Variants in EPHB1 observed in about 807,000 individuals in gnomAD.
The protein encoded by EPHB1 is EPH receptor B1, also known as ephrin type-B receptor 1.
In EPHB1, 30 loss-of-function variants were observed where a neutral mutation model predicts 94.4. The observed-to-expected ratio is 0.32, with a 90% confidence interval of 0.24 to 0.43. The LOEUF (loss-of-function observed/expected upper bound fraction) is 0.43, where lower values mean the gene tolerates loss of function less well. Among genes scored for constraint, EPHB1 ranks in the 20% least tolerant of loss-of-function variants. The pLI, the probability that EPHB1 is intolerant of heterozygous loss-of-function variation, is 1.00. For synonymous variants in EPHB1, 522 were observed against 489.1 expected (o/e 1.07, Z -0.89); for missense variants, 1,055 against 1,308.3 (o/e 0.81, Z 2.99).
At chr3:134,852,002 T>C (rs868589560) in intron 1 of EPHB1, among the ~76,000 whole-genome samples, 66 of 152,230 alleles carry the variant, frequency 4.3e-4, no homozygotes, top group African/African-American at 1.5e-3. Flanking sequence ...TGTCCAAGGG[T>C]GGATTTTCAG....
intron 11 of EPHB1, among the ~76,000 whole-genome samples, chr3:135,200,691 C>G (rs2107712707): frequency 6.6e-6 from 1 of 152,168 alleles, no homozygotes; most frequent in Admixed American, 6.5e-5. Flanking sequence ...CAGAGACAGA[C>G]AGACAGAAAG....
rs574960170 is a variant in EPHB1, at chr3:135,157,331, C to T, written c.1422+3055C>T. 2.8e-3 allele frequency among the ~76,000 whole-genome samples: 419 copies of T among 152,322 alleles called. 5 individuals carry two copies. The highest frequency in any genetic ancestry group is 3.6e-3 in the Non-Finnish European group (248 of 68,042). ...AATGACAGGCCGAGCACTGAAGCCA[C>T]GAGGCTCATGCCTGTATACCTTGGC... On this transcript the variant is annotated intron_variant, in intron 6 of 15. Transcript: ENST00000398015.
chr3:134,959,167 G>A (rs978553674), intron 3 of EPHB1, among the ~76,000 whole-genome samples: 9 of 152,180 alleles, frequency 5.9e-5, no homozygotes, highest in South Asian at 2.1e-4. Context: ...ACATCACCAC[G>A]TCAGGAGTCC....
chr3:135,115,622 C>A (rs773081828), intron 4 of EPHB1, among the ~76,000 whole-genome samples: 1 of 151,840 alleles, frequency 6.6e-6, no homozygotes. Flanking sequence ...CAGGTGTGTC[C>A]GATGCAGTCA....
intron 3 of EPHB1, among the ~76,000 whole-genome samples, chr3:135,000,390 GA>G (rs911081988): frequency 6.6e-6 from 1 of 152,094 alleles, no homozygotes; most frequent in Non-Finnish European, 1.5e-5. Flanking sequence ...CTTTAAGAGG[GA>G]AAAAAATCAT....
chr3:135,126,938 T>A (rs963060381), intron 4 of EPHB1, among the ~76,000 whole-genome samples: 3 of 152,284 alleles, frequency 2.0e-5, no homozygotes, highest in Non-Finnish European at 2.9e-5. Context: ...CTTAATTACA[T>A]GAGCAGGTGA....
chr3:135,015,659 C>T (rs973084750), intron 3 of EPHB1, among the ~76,000 whole-genome samples: 5 of 152,186 alleles, frequency 3.3e-5, no homozygotes, highest in Non-Finnish European at 2.9e-5. Context: ...CAGAGATCTG[C>T]TGACTATGAA....
chr3:134,803,096 G>A (rs777529956), intron 1 of EPHB1, among the ~76,000 whole-genome samples: 1 of 152,196 alleles, frequency 6.6e-6, no homozygotes, highest in Non-Finnish European at 1.5e-5. Flanking sequence ...CTCATGGGAG[G>A]TTCCCCCAGA....
intron 1 of EPHB1, among the ~76,000 whole-genome samples, chr3:134,858,149 CCATCATCAT>C (rs71139558): frequency 0.027 from 4,023 of 148,436 alleles, 45 homozygotes; most frequent in Middle Eastern, 0.078. Context: ...TTTTATTGTT[CCATCATCAT>C]CATCATCATC....
At chr3:134,953,004 A>G (rs1042933836) in intron 3 of EPHB1, among the ~76,000 whole-genome samples, 1 of 152,152 alleles carries the variant, frequency 6.6e-6, no homozygotes, top group Non-Finnish European at 1.5e-5. Context: ...TTCTTTTACA[A>G]GGAAGCCTTC....
intron 3 of EPHB1, among the ~76,000 whole-genome samples, chr3:135,096,828 T>C (rs1938789104): frequency 6.6e-6 from 1 of 152,204 alleles, no homozygotes; most frequent in Admixed American, 6.5e-5. Context: ...CCAGGCACAA[T>C]GGCTCATGCC....
At chr3:135,074,386 T>C (rs1052894421) in intron 3 of EPHB1, among the ~76,000 whole-genome samples, 2 of 152,222 alleles carry the variant, frequency 1.3e-5, no homozygotes, top group African/African-American at 4.8e-5. Flanking sequence ...TTTCAGGTTT[T>C]TTTTTCCTCC....
At chr3:135,196,725 C>T (rs1464066405) in intron 11 of EPHB1, among the ~76,000 whole-genome samples, 1 of 152,110 alleles carries the variant, frequency 6.6e-6, no homozygotes, top group Non-Finnish European at 1.5e-5. Context: ...TCCTCCCCTC[C>T]AACTTCTCCT....
intron 1 of EPHB1, among the ~76,000 whole-genome samples, chr3:134,867,708 T>C (rs2037409366): frequency 2.0e-5 from 3 of 152,164 alleles, no homozygotes; most frequent in Admixed American, 6.5e-5. Flanking sequence ...GTATTCCAAT[T>C]TGACTTATGA....
At chr3:135,031,419 C>A (rs28710927) in intron 3 of EPHB1, among the ~76,000 whole-genome samples, 15,282 of 152,222 alleles carry the variant, frequency 0.1, 854 homozygotes, top group Middle Eastern at 0.15. Context: ...AAATAATCCT[C>A]CTGCCTCAGC....
chr3:134,985,809 T>C (rs1382673110), intron 3 of EPHB1, among the ~76,000 whole-genome samples: 5 of 152,144 alleles, frequency 3.3e-5, no homozygotes, highest in Admixed American at 1.3e-4. Context: ...TCCACCTAGA[T>C]TGATTTGAGA....
chr3:134,797,223 C>T (rs527402863), intron 1 of EPHB1, among the ~76,000 whole-genome samples: 18 of 152,236 alleles, frequency 1.2e-4, no homozygotes, highest in Non-Finnish European at 1.9e-4. Context: ...GAGGGGTTTG[C>T]TTTTTGGAAC....
chr3:135,183,038 C>CTTTTCTTTTCT (rs1403004752), intron 10 of EPHB1, among the ~76,000 whole-genome samples: 10 of 65,748 alleles, frequency 1.5e-4, no homozygotes, highest in East Asian at 4.1e-4. Context: ...TTCTTTCTTT[C>CTTTTCTTTTCT]TTTCTTTCTT....
At chr3:135,042,659 G>A (rs1179404931) in intron 3 of EPHB1, among the ~76,000 whole-genome samples, 6 of 152,006 alleles carry the variant, frequency 3.9e-5, no homozygotes, top group Admixed American at 6.6e-5. Flanking sequence ...GCCTTCACTG[G>A]GCTGATTGTT....
Sources: allele counts gnomAD v4.1 joint callset (sites outside exome capture counted in the v4.1 genomes callset), GRCh38; gene constraint gnomAD v4.1.1; transcripts MANE v1.5; gene names NCBI Gene and HGNC (gene_info 2026-07-23, HGNC 2026-07-21).